NCOA6: variants seen among roughly 807,000 people sequenced by gnomAD.
The protein encoded by NCOA6 is nuclear receptor coactivator 6, also known as NRC RAP250.
NCOA6 carries 49 observed loss-of-function variants against 171.4 expected under a neutral mutation model. The observed-to-expected ratio is 0.29, with a 90% CI of 0.23 to 0.36. The LOEUF (loss-of-function observed/expected upper bound fraction) is 0.36. Ranked by LOEUF, NCOA6 falls within the 10% of genes least tolerant of loss-of-function variation. The pLI is 1.00. For synonymous variants in NCOA6, 910 were observed against 927.5 expected, an observed-to-expected ratio of 0.98 and a Z score of 0.34; for missense variants, 2,248 against 2,554.5, an observed-to-expected ratio of 0.88 and a Z score of 2.59.
intron 1 of NCOA6, among the ~76,000 whole-genome samples, chr20:34,822,742 AG>A (rs2079045154): frequency 6.6e-6 from 1 of 152,202 alleles, no homozygotes; most frequent in Non-Finnish European, 1.5e-5. Context: ...GCCTGGCAGT[AG>A]GAGTAGGGTT....
In NCOA6 at chr20:34,742,201, G is replaced by A. The variant is rs755831427; in HGVS notation, c.4055C>T (p.Pro1352Leu). The change falls in exon 11 of 15, where the codon CCT (proline) becomes CTT (leucine). Residue 1352 changes from proline to leucine, a missense_variant. By Grantham distance (98) the Pro-to-Leu change is moderately conservative. Around this residue, in one of 7 missense-constraint regions of NCOA6, gnomAD observed 884 missense variants for 941.9 expected, o/e 0.94. Transcript: ENST00000359003. The stretch of plus-strand genomic sequence containing the variant: ...TGTCTGAGAGGCCAGAGTAAGTTTA[G>A]GGGCTTTTGAATTTTGCCTCCCAGG... ...PSPGRQNSKA[P>L]KLTLASQTNA... 21 of 1,614,066 alleles carry A rather than the reference G, an allele frequency of 1.3e-5. No homozygotes were observed. Among genetic ancestry groups the A allele is most frequent in the Non-Finnish European group, 1.7e-5 (20 of 1,180,050 alleles).
At chr20:34,769,367 A>ATT (rs764208500) in intron 4 of NCOA6, among the ~76,000 whole-genome samples, 1,970 of 143,110 alleles carry the variant, frequency 0.014, 56 homozygotes, top group African/African-American at 0.047. Flanking sequence ...TACGTATAGG[A>ATT]TTTTTTTTTT....
In NCOA6 at chr20:34,750,291, A is replaced by G; in HGVS notation, c.1904T>C (p.Met635Thr). ...GTTCAAGGTTCCTTGTTGCTGGACC[A>G]TCTGGCCCTGGGAGGGCACGATTTG... is the stretch of plus-strand genomic sequence containing the variant. ...HQQIVPSQGQ[M>T]VQQQGTLNPQ... Residue 635 changes from methionine to threonine, a missense_variant, in exon 9 of 15, where the codon ATG becomes ACG. Met to Thr is a moderately conservative substitution (Grantham distance 81, BLOSUM62 -1). Coordinates refer to ENST00000359003, the MANE Select transcript of NCOA6 (RefSeq NM_014071.5). 1 of 1,613,186 alleles carries G rather than the reference A, an allele frequency of 6.2e-7. No individual in the cohort carries two copies.
intron 5 of NCOA6, among the ~76,000 whole-genome samples, chr20:34,759,975 C>T (rs572902889): frequency 5.3e-5 from 8 of 152,230 alleles, no homozygotes; most frequent in Admixed American, 3.9e-4. Flanking sequence ...AATTTATCAT[C>T]TATGCTCCTA....
In NCOA6 at chr20:34,749,465, G is replaced by C. The variant is rs372333834; in HGVS notation, c.2730C>G (p.Asn910Lys). The C allele has an allele frequency of 8.7e-6, 14 of 1,613,700 alleles. No individual in the cohort carries two copies. The South Asian group carries it at 1.3e-4, about 15-fold the overall frequency. Reference protein sequence around the residue: ...FGVNNKQNNTNANKPKKKKPP... With the variant: ...FGVNNKQNNTKANKPKKKKPP... ...GTTTCTTCTTCTTCGGTTTATTTGC[G>C]TTGGTATTATTTTGCTTATTGTTTA... is the stretch of plus-strand genomic sequence containing the variant. Residue 910 changes from asparagine to lysine, a missense_variant, in exon 9 of 15, where the codon AAC becomes AAG. This residue lies in a region of NCOA6 where 352 missense variants were observed against 419.1 expected (regional missense o/e 0.84). Coordinates refer to ENST00000359003, the MANE Select transcript of NCOA6 (RefSeq NM_014071.5).
intron 8 of NCOA6, among the ~76,000 whole-genome samples, chr20:34,754,235 A>G (rs1236096078): frequency 1.3e-5 from 2 of 152,158 alleles, no homozygotes; most frequent in African/African-American, 4.8e-5. Context: ...TGTGGTTTTC[A>G]TTTGCCAGAA....
chr20:34,741,783 T>C lies in NCOA6; in HGVS notation c.4473A>G (p.Leu1491=). The change falls in exon 11 of 15, where the codon TTA becomes TTG. Residue 1491 remains leucine (L), a synonymous_variant. Coordinates refer to ENST00000359003, the MANE Select transcript of NCOA6 (RefSeq NM_014071.5). ...CTCCAGAGTTGTCAAGAAGTTGACT[T>C]AACGATGTTGGTGCTTCCCTCATAG... ...SPAMREAPTS[L]SQLLDNSGAP... is the part of the protein sequence containing the mutation. 1 of 1,614,190 alleles carries C rather than the reference T, an allele frequency of 6.2e-7. No individual in the cohort carries two copies.
intron 14 of NCOA6, 105 bp from the exon 15 acceptor site, chr20:34,715,470 A>T: frequency 1.2e-6 from 1 of 810,804 alleles, no homozygotes; most frequent in Non-Finnish European, 2.1e-6. Flanking sequence ...GCCCTACTCA[A>T]CTCAGAATCT....
chr20:34,820,998 C>T (rs2078991649), intron 1 of NCOA6: 1 of 152,188 alleles, frequency 6.6e-6, no homozygotes, highest in Non-Finnish European at 1.5e-5. Flanking sequence ...CTTGCCATCA[C>T]TGACTGATAT....
At position 34,804,496 on chromosome 20, in the gene NCOA6, G is replaced by A. The variant is rs557315494; in HGVS notation, c.-163-11933C>T. On this transcript the variant is annotated intron_variant, in intron 1 of 14. Transcript: ENST00000359003. ...TACTCCAGCATGGGTAACAGAGTGA[G>A]ACCCTGTCTCAAAAAAAAAAAAAAA... is the stretch of plus-strand genomic sequence containing the variant. Among the ~76,000 whole-genome samples the A allele has an allele frequency of 1.6e-3, 203 of 126,614 alleles. 1 individual carries two copies. The highest frequency in any genetic ancestry group is 6.0e-3 in the African/African-American group (194 of 32,346). The allele number at this position is 126,614 out of a possible 152,430, so 83.1% of individuals were successfully genotyped here.
chr20:34,742,375 G>C lies in NCOA6; in HGVS notation c.3881C>G (p.Pro1294Arg). The change falls in exon 11 of 15, where the codon CCT (proline) becomes CGT (arginine). Residue 1294 changes from proline (P) to arginine (R), a missense_variant. Transcript: ENST00000359003. ...GQAPSNLTMN[P>R]SNFATPQTHK... ...AGTTTGTGGGGTAGCAAAATTGGAAGGATTCATGGTAAGATTTGAAGGTGC... is the reference window on the plus strand; with the variant it reads ...AGTTTGTGGGGTAGCAAAATTGGAACGATTCATGGTAAGATTTGAAGGTGC... 1 of 1,614,196 alleles carries C rather than the reference G, an allele frequency of 6.2e-7. No individual in the cohort carries two copies. Among genetic ancestry groups the C allele is most frequent in the Non-Finnish European group, 8.5e-7 (1 of 1,180,044 alleles).
At position 34,757,840 on chromosome 20, in the gene NCOA6, C is replaced by G. The variant is rs755564829; in HGVS notation, c.908G>C (p.Arg303Pro). ...CTGAGTTGGGGCAGTAAACTGGGGT[C>G]GAATTCCCTGTGGCTGTTGCTGCTG... The part of the protein sequence containing the change: ...QHQQQQPQGI[R>P]PQFTAPTQVP... Residue 303 changes from arginine (R) to proline (P), a missense_variant, in exon 7 of 15, where the codon CGA becomes CCA. Arg to Pro is a moderately radical substitution (Grantham distance 103, BLOSUM62 -2). Coordinates refer to ENST00000359003, the MANE Select transcript of NCOA6 (RefSeq NM_014071.5). The G allele has an allele frequency of 6.2e-7, 1 of 1,613,938 alleles. No homozygotes were observed. The highest frequency in any genetic ancestry group is 1.1e-5 in the South Asian group (1 of 91,052).
At position 34,750,426 on chromosome 20, in the gene NCOA6, T is replaced by C. The variant is rs774292924; in HGVS notation, c.1769A>G (p.Asn590Ser). ...AGTACCAGCCTGCTGATTGTTCATG[T>C]TGCCATGAATTCCCATGAGGCTGGG... Reference protein sequence around the residue: ...MQPSLMGIHGNMNNQQAGTSG... With the variant: ...MQPSLMGIHGSMNNQQAGTSG... Residue 590 changes from asparagine to serine, a missense_variant, in exon 9 of 15, where the codon AAC (asparagine) becomes AGC (serine). Around this residue, in one of 7 missense-constraint regions of NCOA6, gnomAD observed 987 missense variants for 1,104.7 expected, o/e 0.89. Coordinates refer to ENST00000359003, the MANE Select transcript of NCOA6 (RefSeq NM_014071.5). 4 of 1,614,156 alleles carry C rather than the reference T, an allele frequency of 2.5e-6. No homozygotes were observed. Among genetic ancestry groups the C allele is most frequent in the Non-Finnish European group, 3.4e-6 (4 of 1,180,030 alleles).
intron 1 of NCOA6, among the ~76,000 whole-genome samples, chr20:34,809,263 C>T (rs1383072159): frequency 3.3e-5 from 5 of 152,112 alleles, no homozygotes; most frequent in African/African-American, 1.2e-4. Context: ...TTAAGCAGAT[C>T]TTATTTAATT....
chr20:34,715,692 G>A (rs1339412746), intron 14 of NCOA6, among the ~76,000 whole-genome samples: 4 of 152,204 alleles, frequency 2.6e-5, no homozygotes, highest in Non-Finnish European at 4.4e-5. Flanking sequence ...ATAAAACGAA[G>A]TGTAATAGAC....
intron 14 of NCOA6, among the ~76,000 whole-genome samples, chr20:34,723,946 C>T (rs1989668277): frequency 6.6e-6 from 1 of 152,112 alleles, no homozygotes; most frequent in Non-Finnish European, 1.5e-5. Context: ...TAATTACATA[C>T]CATATTCTAT....
rs751700931 is a variant in NCOA6, at chr20:34,757,298, T to C, written c.1450A>G (p.Asn484Asp). ...ATCACCATGAAGTTAGGTGGCACAT[T>C]TCCCTGTTGAACCATAGGATTCCGA... ...PGRNPMVQQG[N>D]VPPNFMVMQQ... is the part of the protein sequence containing the mutation. The change falls in exon 7 of 15, where the codon AAT becomes GAT. Residue 484 changes from asparagine (N) to aspartate (D), a missense_variant. Physicochemically the swap from Asn to Asp is conservative, Grantham distance 23 (BLOSUM62 1). This residue lies in a region of NCOA6 where 987 missense variants were observed against 1,104.7 expected (regional missense o/e 0.89). Transcript: ENST00000359003. 1.9e-6 allele frequency: 3 copies of C among 1,613,956 alleles called. No individual in the cohort carries two copies. The East Asian group carries it at 6.7e-5, about 36-fold the overall frequency.
intron 2 of NCOA6, among the ~76,000 whole-genome samples, chr20:34,785,507 T>C (rs997171991): frequency 2.0e-5 from 3 of 151,996 alleles, no homozygotes; most frequent in Non-Finnish European, 4.4e-5. Context: ...CTGCCCTTAT[T>C]TGATTGCCAT....
chr20:34,755,614 T>A (rs752542778), intron 7 of NCOA6, among the ~76,000 whole-genome samples: 10 of 152,230 alleles, frequency 6.6e-5, no homozygotes, highest in Non-Finnish European at 1.0e-4. Flanking sequence ...AACCCACTTA[T>A]CATTTACAAC....
Sources: allele counts gnomAD v4.1 joint callset (sites outside exome capture counted in the v4.1 genomes callset), GRCh38; gene constraint gnomAD v4.1.1; regional missense constraint gnomAD v4.1.1; transcripts MANE v1.5; gene names NCBI Gene and HGNC (gene_info 2026-07-23, HGNC 2026-07-21).